PIEZO2: variants seen among roughly 807,000 people sequenced by gnomAD.
The protein encoded by PIEZO2 is piezo-type mechanosensitive ion channel component 2.
A neutral mutation model predicts 337.3 loss-of-function variants in PIEZO2; 172 were observed. That is an observed-to-expected ratio of 0.51 (90% CI 0.45 to 0.58). The LOEUF is 0.58. Ranked by LOEUF, PIEZO2 falls within the 20% of genes least tolerant of loss-of-function variation. PIEZO2 has a pLI of 0.00. For missense variants in PIEZO2, 3,028 were observed against 3,391.3 expected, an observed-to-expected ratio of 0.89 and a Z score of 2.66; for synonymous variants, 1,251 against 1,228.5, an observed-to-expected ratio of 1.02 and a Z score of -0.38.
intron 2 of PIEZO2, among the ~76,000 whole-genome samples, chr18:11,049,832 C>T (rs1238564565): frequency 2.0e-5 from 3 of 152,164 alleles, no homozygotes; most frequent in Admixed American, 2.0e-4. Context: ...CATTAAACCT[C>T]TTTTTCTTTA....
rs1457821975 is a variant in PIEZO2, at chr18:11,069,381, T to G, written c.65-3159A>C. Among the ~76,000 whole-genome samples, 3 of 152,174 alleles carry G rather than the reference T, an allele frequency of 2.0e-5. No individual in the cohort carries two copies. Among genetic ancestry groups the G allele is most frequent in the African/African-American group, 7.2e-5 (3 of 41,438 alleles). ...ATGCAAGAATGGTTCAACATACCTA[T>G]AGCTGTCAATGTGATACACCACATT... On this transcript the variant is annotated intron_variant, in intron 1 of 55. Coordinates refer to ENST00000674853, the MANE Select transcript of PIEZO2 (RefSeq NM_001378183.1). This position sits in a 1 kb window ranked among gnomAD's most constrained non-coding sequence, Gnocchi z 4.9.
chr18:10,717,529 A>C (rs1168405220), intron 37 of PIEZO2, among the ~76,000 whole-genome samples: 1 of 152,264 alleles, frequency 6.6e-6, no homozygotes, highest in Admixed American at 6.5e-5. Context: ...GCAGACGAAG[A>C]AATGGCATGA....
intron 1 of PIEZO2, among the ~76,000 whole-genome samples, chr18:11,076,761 G>A (rs746017643): frequency 6.6e-5 from 10 of 152,106 alleles, no homozygotes; most frequent in Non-Finnish European, 1.2e-4. Flanking sequence ...TAAACAGTAT[G>A]TCATATCAAA....
chr18:10,878,718 T>C lies in PIEZO2; in HGVS notation c.330-7303A>G, dbSNP rs1015371194. ...GCACAGAGTATTGGTTGTGAAGTTA[T>C]ATATGAAGGAAGTAAAGTCAGAAAC... On this transcript the variant is annotated intron_variant, in intron 4 of 55. Transcript: ENST00000674853. This position sits in a 1 kb window ranked among gnomAD's most constrained non-coding sequence, Gnocchi z 4.3. Among the ~76,000 whole-genome samples the C allele has an allele frequency of 1.3e-5, 2 of 151,386 alleles. No individual in the cohort carries two copies. The highest frequency in any genetic ancestry group is 2.9e-5 in the Non-Finnish European group (2 of 67,954).
intron 2 of PIEZO2, among the ~76,000 whole-genome samples, chr18:11,046,848 G>A (rs1222705159): frequency 6.6e-6 from 1 of 152,220 alleles, no homozygotes; most frequent in Non-Finnish European, 1.5e-5. Flanking sequence ...CATACAAGAG[G>A]GCTGAGGAAG....
At chr18:11,030,894 T>C (rs776497348) in intron 2 of PIEZO2, among the ~76,000 whole-genome samples, 1 of 152,236 alleles carries the variant, frequency 6.6e-6, no homozygotes, top group Non-Finnish European at 1.5e-5. Context: ...GGTTTAGCAC[T>C]AGTCTCTGCA....
chr18:10,700,756 A>T (rs1278225891), intron 43 of PIEZO2, among the ~76,000 whole-genome samples: 11 of 152,242 alleles, frequency 7.2e-5, no homozygotes, highest in Non-Finnish European at 1.5e-4. Context: ...ATATGTTCAT[A>T]ACAAAAATCA....
chr18:10,689,985 T>C (rs1462545396), intron 48 of PIEZO2, among the ~76,000 whole-genome samples, 183 bp from the exon 49 acceptor site: 1 of 152,248 alleles, frequency 6.6e-6, no homozygotes, highest in Non-Finnish European at 1.5e-5. Flanking sequence ...GTCGAATCTA[T>C]GGATTTGTAT....
Position 10,773,734 on chromosome 18 carries a change from A to T in PIEZO2, c.2568-105T>A. ...AAACACAAATGAAATCAGTGCATGTACAAAGACCTCACAAGGTGGGGTGTT... is the reference window on the plus strand; with the variant it reads ...AAACACAAATGAAATCAGTGCATGTTCAAAGACCTCACAAGGTGGGGTGTT... On this transcript the variant is annotated intron_variant, in intron 19 of 55. Transcript: ENST00000674853. The surrounding 1 kb of genome is among the most constrained non-coding windows in gnomAD (Gnocchi z 5.3). The T allele has an allele frequency of 9.2e-7, 1 of 1,085,878 alleles. No homozygotes were observed. The highest frequency in any genetic ancestry group is 1.3e-6 in the Non-Finnish European group (1 of 753,026). 67.3% of individuals were successfully genotyped at this position (1,085,878 alleles called of 1,614,324 possible).
Position 10,677,458 on chromosome 18 carries a change from T to C in PIEZO2, c.8081+289A>G. 3.4e-6 allele frequency: 1 copy of C among 295,344 alleles called. No individual in the cohort carries two copies. Among genetic ancestry groups the C allele is most frequent in the Non-Finnish European group, 6.3e-6 (1 of 157,960 alleles). 18.3% of individuals were successfully genotyped at this position (295,344 alleles called of 1,614,324 possible). The stretch of plus-strand genomic sequence containing the variant: ...GTCTTGAACTCCCGACCTCAGGGGA[T>C]CCACCTGTCTCAGCCTCCCAACATG... On this transcript the variant is annotated intron_variant, in intron 53 of 55. Coordinates refer to ENST00000674853, the MANE Select transcript of PIEZO2 (RefSeq NM_001378183.1). This position sits in a 1 kb window ranked among gnomAD's most constrained non-coding sequence, Gnocchi z 4.1.
chr18:11,070,925 C>A lies in PIEZO2; in HGVS notation c.65-4703G>T, dbSNP rs879547523. ...CAGACAGGAAGACCAGATCAAGAAG[C>A]ACTAATCCCAGAATGCGGACAACAG... On this transcript the variant is annotated intron_variant, in intron 1 of 55. Coordinates refer to ENST00000674853, the MANE Select transcript of PIEZO2 (RefSeq NM_001378183.1). This position sits in a 1 kb window ranked among gnomAD's most constrained non-coding sequence, Gnocchi z 4.3. Among the ~76,000 whole-genome samples, 1 of 152,032 alleles carries A rather than the reference C, an allele frequency of 6.6e-6. No individual in the cohort carries two copies. Among genetic ancestry groups the A allele is most frequent in the African/African-American group, 2.4e-5 (1 of 41,366 alleles).
Position 10,685,708 on chromosome 18 carries a change from T to C in PIEZO2, c.7498-3416A>G, listed in dbSNP as rs114908043. 8.5e-4 allele frequency among the ~76,000 whole-genome samples: 129 copies of C among 152,310 alleles called. 1 individual carries two copies. Among genetic ancestry groups the C allele is most frequent in the African/African-American group, 3.1e-3 (127 of 41,568 alleles). Reference sequence around the variant, plus strand: ...GGGATCATTCAGGGGCTTTTGTGATTTGGAAACCCCCTTCCTAAGCACCGT... The same window carrying C: ...GGGATCATTCAGGGGCTTTTGTGATCTGGAAACCCCCTTCCTAAGCACCGT... On this transcript the variant is annotated intron_variant, in intron 49 of 55. Coordinates refer to ENST00000674853, the MANE Select transcript of PIEZO2 (RefSeq NM_001378183.1).
At chr18:10,875,518 T>C in intron 4 of PIEZO2, among the ~76,000 whole-genome samples, 1 of 151,878 alleles carries the variant, frequency 6.6e-6, no homozygotes, top group East Asian at 1.9e-4. Flanking sequence ...AGGTCAGGAG[T>C]AGTAGTAGGT....
intron 1 of PIEZO2, among the ~76,000 whole-genome samples, chr18:11,108,550 T>C (rs1365205232): frequency 3.8e-4 from 53 of 139,822 alleles, no homozygotes; most frequent in African/African-American, 1.3e-3. Flanking sequence ...GGAGGCGGAG[T>C]TTGCAGTGAG....
At chr18:10,764,945 T>G (rs2143910204) in intron 21 of PIEZO2, among the ~76,000 whole-genome samples, 1 of 152,340 alleles carries the variant, frequency 6.6e-6, no homozygotes, top group African/African-American at 2.4e-5. Context: ...CTATTAAAGA[T>G]GCTGTGAAAT....
rs1401329525 is a variant in PIEZO2 at position 11,109,158 on chromosome 18, C to T, written c.64+39367G>A. On this transcript the variant is annotated intron_variant, in intron 1 of 55. Transcript: ENST00000674853. This position sits in a 1 kb window ranked among gnomAD's most constrained non-coding sequence, Gnocchi z 5.1. ...CTGAGTAAACAGTCTGCACAGCTTA[C>T]AAACCACACATCTTGACAACTCCAC... Among the ~76,000 whole-genome samples, 1 of 152,190 alleles carries T rather than the reference C, an allele frequency of 6.6e-6. No individual in the cohort carries two copies. The highest frequency in any genetic ancestry group is 2.4e-5 in the African/African-American group (1 of 41,448).
chr18:11,137,070 T>G (rs1245398079), intron 1 of PIEZO2, among the ~76,000 whole-genome samples: 2 of 152,240 alleles, frequency 1.3e-5, no homozygotes, highest in African/African-American at 4.8e-5. Context: ...CTCACACATC[T>G]TGTTCATGCT....
At position 10,794,219 on chromosome 18, in the gene PIEZO2, G is replaced by T. The variant is rs1408130744; in HGVS notation, c.1758+553C>A. 6.6e-6 allele frequency among the ~76,000 whole-genome samples: 1 copy of T among 151,008 alleles called. No homozygotes were observed. Among genetic ancestry groups the T allele is most frequent in the African/African-American group, 2.4e-5 (1 of 40,944 alleles). ...AAAACTGTTAAAATGGCCCATGAAA[G>T]CAAATAAGTAATGAGAAGAGTATGA... On this transcript the variant is annotated intron_variant, in intron 13 of 55. Coordinates refer to ENST00000674853, the MANE Select transcript of PIEZO2 (RefSeq NM_001378183.1). The surrounding 1 kb of genome is among the most constrained non-coding windows in gnomAD (Gnocchi z 6.6).
Position 10,716,315 on chromosome 18 carries a change from C to T in PIEZO2, c.5090-499G>A, listed in dbSNP as rs1280105949. On this transcript the variant is annotated intron_variant, in intron 37 of 55. Coordinates refer to ENST00000674853, the MANE Select transcript of PIEZO2 (RefSeq NM_001378183.1). This position sits in a 1 kb window ranked among gnomAD's most constrained non-coding sequence, Gnocchi z 4.1. ...TGAGGATGAGAGCTTTATGATGGTC[C>T]ACTTCCATTTACTGAATAGGAACTA... 6.6e-6 allele frequency among the ~76,000 whole-genome samples: 1 copy of T among 152,164 alleles called. No homozygotes were observed. Among genetic ancestry groups the T allele is most frequent in the Non-Finnish European group, 1.5e-5 (1 of 68,040 alleles).
Sources: allele counts gnomAD v4.1 joint callset (sites outside exome capture counted in the v4.1 genomes callset), GRCh38; gene constraint gnomAD v4.1.1; non-coding constraint Gnocchi (gnomAD v3.1); transcripts MANE v1.5; gene names NCBI Gene and HGNC (gene_info 2026-07-23, HGNC 2026-07-21).